GUCY1A1: variants seen among roughly 807,000 people sequenced by gnomAD.
GUCY1A1 encodes the protein guanylate cyclase soluble subunit alpha-1.
GUCY1A1 carries 48 observed loss-of-function variants against 64.5 expected under a neutral mutation model. That is an observed-to-expected ratio of 0.74 (90% confidence interval 0.59 to 0.95). The LOEUF is 0.95. Among genes scored for constraint, GUCY1A1 ranks in the 40% least tolerant of loss-of-function variants. The pLI, the probability that GUCY1A1 is intolerant of heterozygous loss-of-function variation, is 0.00. For synonymous variants in GUCY1A1, 308 were observed against 303.4 expected (o/e 1.02, Z -0.16); for missense variants, 804 against 825.3 (o/e 0.97, Z 0.32).
rs1376661244 is a variant in GUCY1A1 at position 155,708,362 on chromosome 4, A to C, written c.376+68A>C. 5 of 810,552 alleles carry C rather than the reference A, an allele frequency of 6.2e-6. No homozygotes were observed. In the Admixed American group the frequency reaches 8.2e-5, roughly 13 times the overall value. 50.2% of individuals were successfully genotyped at this position (810,552 alleles called of 1,614,324 possible). On this transcript the variant is annotated intron_variant, in intron 5 of 9. Transcript: ENST00000506455. Reference sequence around the variant, plus strand: ...TGTAGAACTCACATTTTCTCCAAAAATATTCATATTTATTTGTTGGTGACT... The same window carrying C: ...TGTAGAACTCACATTTTCTCCAAAACTATTCATATTTATTTGTTGGTGACT...
chr4:155,736,225 G>A lies in GUCY1A1; in HGVS notation c.*5994G>A, dbSNP rs1486606721. 3 of 151,904 alleles carry A rather than the reference G, an allele frequency of 2.0e-5. No individual in the cohort carries two copies. The highest frequency in any genetic ancestry group is 4.4e-5 in the Non-Finnish European group (3 of 67,914). The allele number at this position is 151,904 out of a possible 1,614,324, so 9.4% of individuals were successfully genotyped here. ...TTAGGACAGCTTTTCTTTTCTAAATGAGCATGAATATAAATAGAAATTCTA... is the reference window on the plus strand; with the variant it reads ...TTAGGACAGCTTTTCTTTTCTAAATAAGCATGAATATAAATAGAAATTCTA... On this transcript the variant is annotated 3_prime_UTR_variant, in exon 10 of 10. Coordinates refer to ENST00000506455, the MANE Select transcript of GUCY1A1 (RefSeq NM_001130682.3).
At chr4:155,723,591 T>C (rs1734251632) in intron 9 of GUCY1A1, among the ~76,000 whole-genome samples, 1 of 152,054 alleles carries the variant, frequency 6.6e-6, no homozygotes, top group Non-Finnish European at 1.5e-5. Flanking sequence ...TTCTCAGAGA[T>C]AACTCTTTAA....
rs766509023 is a variant in GUCY1A1, at chr4:155,730,139, CA to C, written c.1983del (p.Gln661HisfsTer23). ...AATCTGCCATTTTCTGGATGCTTAC[CA>C]ACAAGGAACAAACTCAAAACCATGC... is the stretch of plus-strand genomic sequence containing the variant. ...PGICHFLDAY[Q>X]QGTNSKPCFQ... On this transcript the variant is annotated frameshift_variant, in exon 10 of 10. Transcript: ENST00000506455. LOFTEE classifies it high-confidence loss of function. 1 of 1,611,398 alleles carries C rather than the reference CA, an allele frequency of 6.2e-7. No individual in the cohort carries two copies. Among genetic ancestry groups the C allele is most frequent in the Non-Finnish European group, 8.5e-7 (1 of 1,178,186 alleles).
intron 2 of GUCY1A1, among the ~76,000 whole-genome samples, chr4:155,681,564 T>C (rs1735776776): frequency 6.6e-6 from 1 of 152,206 alleles, no homozygotes; most frequent in Admixed American, 6.5e-5. Flanking sequence ...AATCAAATGA[T>C]ATTTTCTCAG....
At chr4:155,693,802 G>A (rs2101180) in intron 2 of GUCY1A1, among the ~76,000 whole-genome samples, 32,983 of 152,044 alleles carry the variant, frequency 0.22, 3,643 homozygotes, top group Non-Finnish European at 0.23. Context: ...TTCAAGGAAG[G>A]TTGACTGGTC....
chr4:155,729,965 T>A, intron 9 of GUCY1A1, 65 bp from the exon 10 acceptor site: 1 of 956,248 alleles, frequency 1.0e-6, no homozygotes, highest in Non-Finnish European at 1.7e-6. Context: ...ATTCAGTTAG[T>A]TATGTTGTGT....
chr4:155,728,752 T>A (rs1261185915), intron 9 of GUCY1A1, among the ~76,000 whole-genome samples: 2 of 151,860 alleles, frequency 1.3e-5, no homozygotes, highest in Admixed American at 6.6e-5. Flanking sequence ...AGTCAGTTTT[T>A]AAAAATTGAT....
chr4:155,689,291 A>C (rs1190207429), intron 2 of GUCY1A1, among the ~76,000 whole-genome samples: 1 of 152,096 alleles, frequency 6.6e-6, no homozygotes, highest in Non-Finnish European at 1.5e-5. Context: ...CTATTTTAGC[A>C]ATGTAACTAT....
rs569123726 is a variant in GUCY1A1 at position 155,680,582 on chromosome 4, C to T, written c.-113+13163C>T. Among the ~76,000 whole-genome samples the T allele has an allele frequency of 1.6e-4, 25 of 152,006 alleles. No individual in the cohort carries two copies. In the South Asian group the frequency reaches 5.0e-3, roughly 30 times the overall value. On this transcript the variant is annotated intron_variant, in intron 2 of 9. Transcript: ENST00000506455. ...CATAAAAGTTTTGACTCCTCAAAAA[C>T]TTAACTACTAATAGCTTACTGGTGA... is the stretch of plus-strand genomic sequence containing the variant.
intron 3 of GUCY1A1, among the ~76,000 whole-genome samples, chr4:155,698,053 G>A (rs983788336): frequency 1.3e-5 from 2 of 152,102 alleles, no homozygotes; most frequent in Non-Finnish European, 2.9e-5. Flanking sequence ...AAAGAAACAT[G>A]GACTGGCTGA....
intron 8 of GUCY1A1, among the ~76,000 whole-genome samples, chr4:155,718,876 A>G (rs1733605280): frequency 6.6e-6 from 1 of 152,102 alleles, no homozygotes; most frequent in Non-Finnish European, 1.5e-5. Context: ...GTGTAAAATA[A>G]TTTGCAAGTA....
chr4:155,715,310 G>A (rs1234056269), intron 7 of GUCY1A1, among the ~76,000 whole-genome samples: 3 of 152,044 alleles, frequency 2.0e-5, no homozygotes, highest in Non-Finnish European at 4.4e-5. Context: ...AATAGTCAGC[G>A]TTATTTATTC....
chr4:155,681,236 A>C (rs1735714658), intron 2 of GUCY1A1, among the ~76,000 whole-genome samples: 1 of 152,126 alleles, frequency 6.6e-6, no homozygotes, highest in Non-Finnish European at 1.5e-5. Flanking sequence ...TTAGTGTTGG[A>C]GTGGGAGTCT....
intron 9 of GUCY1A1, among the ~76,000 whole-genome samples, chr4:155,727,930 A>T (rs1419812314): frequency 1.3e-5 from 2 of 151,886 alleles, no homozygotes; most frequent in Non-Finnish European, 2.9e-5. Context: ...CCAAATACAG[A>T]TGCATGTTCA....
At chr4:155,691,440 A>G (rs911396149) in intron 2 of GUCY1A1, among the ~76,000 whole-genome samples, 4 of 152,198 alleles carry the variant, frequency 2.6e-5, no homozygotes, top group Non-Finnish European at 4.4e-5. Context: ...TTTATGTAAT[A>G]TTTTTCAATT....
In GUCY1A1 at chr4:155,713,156, T is replaced by G; in HGVS notation, c.1145T>G (p.Leu382Trp). 2 of 1,613,578 alleles carry G rather than the reference T, an allele frequency of 1.2e-6. No homozygotes were observed. Among genetic ancestry groups the G allele is most frequent in the South Asian group, 1.1e-5 (1 of 91,058 alleles). The change falls in exon 7 of 10, where the codon TTG (leucine) becomes TGG (tryptophan). Residue 382 changes from leucine (L) to tryptophan (W), a missense_variant. Physicochemically the swap from Leu to Trp is moderately conservative, Grantham distance 61. Coordinates refer to ENST00000506455, the MANE Select transcript of GUCY1A1 (RefSeq NM_001130682.3). The part of the protein sequence containing the change: ...YIVESSAILF[L>W]GSPCVDRLED... ...GTTGAATCCAGTGCAATCTTGTTTT[T>G]GGGGTCACCCTGTGTGGACAGATTA...
chr4:155,671,077 G>T (rs1449093792), intron 2 of GUCY1A1, among the ~76,000 whole-genome samples: 2 of 152,046 alleles, frequency 1.3e-5, no homozygotes, highest in African/African-American at 4.8e-5. Context: ...ATAGTGCTTG[G>T]TGCATAGTAG....
intron 2 of GUCY1A1, among the ~76,000 whole-genome samples, chr4:155,677,861 T>C (rs1479543121): frequency 6.6e-6 from 1 of 151,764 alleles, no homozygotes; most frequent in African/African-American, 2.4e-5. Flanking sequence ...CAAAAATATA[T>C]ATATATGTAT....
chr4:155,684,380 T>G (rs1728688856), intron 2 of GUCY1A1, among the ~76,000 whole-genome samples: 1 of 23,806 alleles, frequency 4.2e-5, no homozygotes, highest in African/African-American at 1.0e-4. Context: ...TGAGTTTGTG[T>G]TGGAATTTGC....
Sources: allele counts gnomAD v4.1 joint callset (sites outside exome capture counted in the v4.1 genomes callset), GRCh38; gene constraint gnomAD v4.1.1; transcripts MANE v1.5; gene names NCBI Gene and HGNC (gene_info 2026-07-23, HGNC 2026-07-21).